CYB5R3: variants seen among roughly 807,000 people sequenced by gnomAD.
CYB5R3 encodes the protein cytochrome b5 reductase 3.
CYB5R3 carries 28 observed loss-of-function variants against 36.5 expected under a neutral mutation model. That is an observed-to-expected ratio of 0.77 (90% confidence interval 0.57 to 1.05). The LOEUF (loss-of-function observed/expected upper bound fraction) is 1.05, where lower values mean the gene tolerates loss of function less well. Among genes scored for constraint, CYB5R3 ranks in the 50% least tolerant of loss-of-function variants. The pLI is 0.00. For missense variants in CYB5R3, 474 were observed against 408.9 expected (o/e 1.16, Z -1.37); for synonymous variants, 181 against 159.8 (o/e 1.13, Z -1.00).
chr22:42,647,330 T>C (rs1340096183), intron 1 of CYB5R3, among the ~76,000 whole-genome samples: 1 of 152,170 alleles, frequency 6.6e-6, no homozygotes, highest in Non-Finnish European at 1.5e-5. Context: ...ATATATGGAA[T>C]GAGGCCAAGA....
intron 8 of CYB5R3, among the ~76,000 whole-genome samples, chr22:42,621,182 TAGTGTG>T (rs1192901020): frequency 2.9e-5 from 3 of 105,078 alleles, no homozygotes; most frequent in South Asian, 6.8e-4. Flanking sequence ...GATTTCTTTT[TAGTGTG>T]TGTGTGTGTG....
At chr22:42,637,094 C>T (rs1928942420) in intron 1 of CYB5R3, among the ~76,000 whole-genome samples, 1 of 152,212 alleles carries the variant, frequency 6.6e-6, no homozygotes, top group African/African-American at 2.4e-5. Context: ...TGAGAAAAAG[C>T]TCCATTTCCT....
chr22:42,638,396 C>CAAAAAAAAA (rs1206825251), intron 1 of CYB5R3, among the ~76,000 whole-genome samples: 2 of 36,498 alleles, frequency 5.5e-5, no homozygotes, highest in Non-Finnish European at 5.0e-5. Context: ...AACTCCATCT[C>CAAAAAAAAA]AAAAAAAAAA....
intron 1 of CYB5R3, among the ~76,000 whole-genome samples, chr22:42,648,338 C>T (rs575856794): frequency 1.3e-5 from 2 of 152,368 alleles, no homozygotes; most frequent in African/African-American, 2.4e-5. Context: ...AGCCTCCCCA[C>T]GCCTAGCGGG....
chr22:42,623,675 G>A, intron 8 of CYB5R3, 114 bp downstream of exon 8: 1 of 840,558 alleles, frequency 1.2e-6, no homozygotes, highest in Non-Finnish European at 2.0e-6. Flanking sequence ...CCTCCCACAG[G>A]GCCATAGTGA....
chr22:42,633,843 C>T (rs115880233), intron 2 of CYB5R3, among the ~76,000 whole-genome samples: 1,900 of 152,160 alleles, frequency 0.012, 37 homozygotes, highest in African/African-American at 0.043. Context: ...TGCACATGGT[C>T]CCAGCTACTC....
chr22:42,645,463 C>T lies in CYB5R3; in HGVS notation c.21+3832G>A, dbSNP rs929830168. Among the ~76,000 whole-genome samples, 5 of 152,174 alleles carry T rather than the reference C, an allele frequency of 3.3e-5. No homozygotes were observed. In the South Asian group the frequency reaches 8.3e-4, roughly 25 times the overall value. On this transcript the variant is annotated intron_variant, in intron 1 of 8. Transcript: ENST00000352397. ...AGGCCTCAGAGGTGGGCTTAGGATC[C>T]GGCTCCAGGCTGTTTCCACGCCTGT...
At chr22:42,640,134 AG>A (rs1311577831) in intron 1 of CYB5R3, 2 of 1,613,642 alleles carry the variant, frequency 1.2e-6, no homozygotes, top group Non-Finnish European at 1.7e-6. Flanking sequence ...GAATAGCTCT[AG>A]GGATCTCAGC....
chr22:42,640,328 C>G (rs1434996892), intron 1 of CYB5R3: 6 of 1,418,816 alleles, frequency 4.2e-6, no homozygotes, highest in Non-Finnish European at 5.7e-6. Context: ...GGTCACCCCC[C>G]GGAAGGACCC....
Position 42,649,276 on chromosome 22 carries a change from G to T in CYB5R3, c.21+19C>A. ...TCCCTCGCGACGCCCCGCGGCCCCG[G>T]CGCCCCCTCCCCGCCTACCGTGCTG... On this transcript the variant is annotated intron_variant, in intron 1 of 8. Transcript: ENST00000352397. The T allele has an allele frequency of 1.0e-6, 1 of 988,646 alleles. No homozygotes were observed. The allele number at this position is 988,646 out of a possible 1,614,324, so 61.2% of individuals were successfully genotyped here. A position where few individuals can be genotyped will look rare whatever the true frequency, so the allele number is the denominator to read the frequency against.
At chr22:42,623,428 C>T (rs1027676289) in intron 8 of CYB5R3, among the ~76,000 whole-genome samples, 4 of 152,214 alleles carry the variant, frequency 2.6e-5, no homozygotes, top group East Asian at 1.9e-4. Context: ...AGAGTATGCA[C>T]GCTGGGATGT....
intron 1 of CYB5R3, among the ~76,000 whole-genome samples, chr22:42,645,640 C>A (rs912397358): frequency 6.6e-6 from 1 of 152,134 alleles, no homozygotes; most frequent in African/African-American, 2.4e-5. Context: ...CGGAGCCAGG[C>A]GGGCAGCCTC....
chr22:42,623,412 C>A (rs140885940), intron 8 of CYB5R3, among the ~76,000 whole-genome samples: 399 of 152,262 alleles, frequency 2.6e-3, no homozygotes, highest in African/African-American at 9.3e-3. Context: ...AACTCGGCAG[C>A]ACCTGAGAGT....
chr22:42,624,200 A>C (rs1383483461), intron 7 of CYB5R3, among the ~76,000 whole-genome samples: 1 of 152,226 alleles, frequency 6.6e-6, no homozygotes, highest in African/African-American at 2.4e-5. Context: ...AAGGCGGCCA[A>C]GCTGCGCGAC....
At chr22:42,628,549 C>CGGT (rs1928431085) in intron 4 of CYB5R3, among the ~76,000 whole-genome samples, 1 of 152,168 alleles carries the variant, frequency 6.6e-6, no homozygotes, top group Non-Finnish European at 1.5e-5. Flanking sequence ...AACTCCAGGG[C>CGGT]TGGATGCACT....
At position 42,627,304 on chromosome 22, in the gene CYB5R3, C is replaced by T; in HGVS notation, c.633G>A (p.Gln211=). The stretch of plus-strand genomic sequence containing the variant: ...CCCCATCATGGGGATGCCCACTGAC[C>T]TGGTTGGCAAAGAGCAGGTGGCACA... ...HTVCHLLFAN[Q]TEKDILLRPE... Residue 211 remains glutamine (Q), a splice_region_variant and synonymous_variant, in exon 7 of 9, where the codon CAG becomes CAA. Transcript: ENST00000352397. The T allele has an allele frequency of 6.2e-7, 1 of 1,613,738 alleles. No homozygotes were observed. The highest frequency in any genetic ancestry group is 8.5e-7 in the Non-Finnish European group (1 of 1,179,778).
At chr22:42,649,008 G>A (rs1929649569) in intron 1 of CYB5R3, among the ~76,000 whole-genome samples, 2 of 152,158 alleles carry the variant, frequency 1.3e-5, no homozygotes, top group African/African-American at 4.8e-5. Flanking sequence ...GCCCCACGGC[G>A]GCCAGGGCAG....
intron 4 of CYB5R3, among the ~76,000 whole-genome samples, chr22:42,629,463 C>T (rs755616303): frequency 2.0e-5 from 3 of 152,228 alleles, no homozygotes; most frequent in Non-Finnish European, 2.9e-5. Context: ...GAAGCTCGGT[C>T]GCAGGTACCT....
At chr22:42,639,323 CAA>C (rs58708895) in intron 1 of CYB5R3, among the ~76,000 whole-genome samples, 1,493 of 116,590 alleles carry the variant, frequency 0.013, 33 homozygotes, top group African/African-American at 0.04. Flanking sequence ...GACTCTGTCT[CAA>C]AAAAAAAAAA....
Sources: allele counts gnomAD v4.1 joint callset (sites outside exome capture counted in the v4.1 genomes callset), GRCh38; gene constraint gnomAD v4.1.1; transcripts MANE v1.5; gene names NCBI Gene and HGNC (gene_info 2026-07-23, HGNC 2026-07-21).